The following AFG3L2 variants were observed in gnomAD, a reference collection of about 807,000 sequenced individuals.
The protein encoded by AFG3L2 is AFG3 like matrix AAA peptidase subunit 2.
In AFG3L2, 54 loss-of-function variants were observed where a neutral mutation model predicts 94.5. The observed-to-expected ratio is 0.57, with a 90% CI of 0.46 to 0.72. The LOEUF (loss-of-function observed/expected upper bound fraction) is 0.72, where lower values mean the gene tolerates loss of function less well. AFG3L2 is among the 30% of genes least tolerant of loss of function. AFG3L2 has a pLI of 0.00. For synonymous variants in AFG3L2, 377 were observed against 365.5 expected (o/e 1.03, Z -0.36); for missense variants, 754 against 994.9 (o/e 0.76, Z 3.26).
Position 12,358,837 on chromosome 18 carries a change from C to T in AFG3L2, c.859G>A (p.Gly287Arg), listed in dbSNP as rs1037656742. 1.2e-6 allele frequency: 2 copies of T among 1,614,098 alleles called. No individual in the cohort carries two copies. The highest frequency in any genetic ancestry group is 1.7e-6 in the Non-Finnish European group (2 of 1,180,056). Reference protein sequence around the residue: ...GIGRTGRGMGGLFSVGETTAK... With the variant: ...GIGRTGRGMGRLFSVGETTAK... Reference sequence around the variant, plus strand: ...GTGGTTTCTCCGACACTGAAGAGTCCGCCCATCCCTCGGCCTGTCCGGCCA... The same window carrying T: ...GTGGTTTCTCCGACACTGAAGAGTCTGCCCATCCCTCGGCCTGTCCGGCCA... The change falls in exon 8 of 17, where the codon GGA (glycine) becomes AGA (arginine). Residue 287 changes from glycine (G) to arginine (R), a missense_variant. This residue lies in a region of AFG3L2 where 130 missense variants were observed against 175.1 expected (regional missense o/e 0.74). Coordinates refer to ENST00000269143, the MANE Select transcript of AFG3L2 (RefSeq NM_006796.3).
rs1226949681 is a variant in AFG3L2 at position 12,335,417 on chromosome 18, C to A, written c.2175+1924G>T. On this transcript the variant is annotated intron_variant, in intron 16 of 16. Transcript: ENST00000269143. ...AAAAATCAAGAATGCGACCACTCAC[C>A]TTCACCACCTACCCTCCCCTTTTCT... 5.3e-5 allele frequency among the ~76,000 whole-genome samples: 8 copies of A among 152,168 alleles called. No homozygotes were observed. The East Asian group carries it at 1.4e-3, about 26-fold the overall frequency.
Position 12,358,603 on chromosome 18 carries a change from C to G in AFG3L2, c.1026+67G>C, listed in dbSNP as rs1908564180. On this transcript the variant is annotated intron_variant, in intron 8 of 16. Transcript: ENST00000269143. ...CAGCTATCTATAATAAGTAATCAAA[C>G]TTCACAGAATTATAACTTCAGAGAT... 6 of 1,540,960 alleles carry G rather than the reference C, an allele frequency of 3.9e-6. No individual in the cohort carries two copies. In the South Asian group the frequency reaches 5.8e-5, roughly 15 times the overall value.
chr18:12,369,709 C>T (rs1908918603), intron 3 of AFG3L2, among the ~76,000 whole-genome samples: 1 of 141,226 alleles, frequency 7.1e-6, no homozygotes, highest in Middle Eastern at 3.9e-3. Flanking sequence ...GAGACCCCTC[C>T]TCAAAAAAAA....
intron 9 of AFG3L2, among the ~76,000 whole-genome samples, 197 bp downstream of exon 9, chr18:12,356,497 T>C (rs931076370): frequency 2.6e-5 from 4 of 152,164 alleles, no homozygotes; most frequent in African/African-American, 9.7e-5. Context: ...ACTGCAGTCC[T>C]AGCTGGTGCG....
intron 8 of AFG3L2, among the ~76,000 whole-genome samples, chr18:12,357,958 G>C (rs560849944): frequency 6.6e-6 from 1 of 152,122 alleles, no homozygotes; most frequent in African/African-American, 2.4e-5. Context: ...CGGGTACTAA[G>C]TAAGTTATAA....
chr18:12,375,872 C>G (rs28470464), intron 1 of AFG3L2, among the ~76,000 whole-genome samples: 20,738 of 152,036 alleles, frequency 0.14, 2,850 homozygotes, highest in African/African-American at 0.35. Context: ...TGCTGTAGTC[C>G]CAGATACTCC....
chr18:12,357,112 A>C (rs1382543301), intron 8 of AFG3L2, among the ~76,000 whole-genome samples: 2 of 152,214 alleles, frequency 1.3e-5, no homozygotes, highest in Non-Finnish European at 2.9e-5. Flanking sequence ...AACAGTATGT[A>C]AAGGGTGACT....
intron 2 of AFG3L2, among the ~76,000 whole-genome samples, 176 bp downstream of exon 2, chr18:12,371,415 GA>G (rs753716752): frequency 6.6e-6 from 1 of 151,892 alleles, no homozygotes; most frequent in African/African-American, 2.4e-5. Context: ...AGTGTTAAAG[GA>G]AAAAGCCTCC....
intron 3 of AFG3L2, among the ~76,000 whole-genome samples, chr18:12,370,054 CAAAAAAA>C (rs796293157): frequency 1.7e-4 from 6 of 36,004 alleles, no homozygotes; most frequent in East Asian, 1.1e-3. Flanking sequence ...GACTCTGTCT[CAAAAAAA>C]AAAAAAAAAA....
chr18:12,371,704 A>G lies in AFG3L2; in HGVS notation c.115-13T>C. On this transcript the variant is annotated splice_polypyrimidine_tract_variant and intron_variant, in intron 1 of 16. Coordinates refer to ENST00000269143, the MANE Select transcript of AFG3L2 (RefSeq NM_006796.3). ...CAAATCGGTAAAGCTGCAACAAGAC[A>G]TAAAAATAAAACCATAGTTATATCA... 2 of 1,607,194 alleles carry G rather than the reference A, an allele frequency of 1.2e-6. No homozygotes were observed. Among genetic ancestry groups the G allele is most frequent in the Non-Finnish European group, 1.7e-6 (2 of 1,174,282 alleles).
intron 13 of AFG3L2, among the ~76,000 whole-genome samples, chr18:12,347,319 A>G (rs1254422169): frequency 2.6e-5 from 4 of 152,148 alleles, no homozygotes; most frequent in African/African-American, 9.7e-5. Context: ...GTCACACCCC[A>G]GTTTCATCCT....
chr18:12,349,286 A>T (rs779467992), intron 12 of AFG3L2, among the ~76,000 whole-genome samples: 13 of 152,202 alleles, frequency 8.5e-5, no homozygotes, highest in African/African-American at 1.2e-4. Context: ...GATGTGGAGA[A>T]ACTGGGACCC....
chr18:12,345,982 T>C (rs780325770), intron 13 of AFG3L2, among the ~76,000 whole-genome samples: 4 of 152,150 alleles, frequency 2.6e-5, no homozygotes, highest in Non-Finnish European at 5.9e-5. Flanking sequence ...GCCCCACTCG[T>C]CTGGTTTTGT....
Position 12,363,765 on chromosome 18 carries a change from T to C in AFG3L2, c.627+17A>G. On this transcript the variant is annotated intron_variant, in intron 6 of 16. Coordinates refer to ENST00000269143, the MANE Select transcript of AFG3L2 (RefSeq NM_006796.3). Reference sequence around the variant, plus strand: ...TTAATTTACAACTAATTCACATCAATTAATAAAATGATTTACCCCATCAAC... The same window carrying C: ...TTAATTTACAACTAATTCACATCAACTAATAAAATGATTTACCCCATCAAC... The C allele has an allele frequency of 6.3e-7, 1 of 1,598,826 alleles. No homozygotes were observed.
chr18:12,337,141 G>A (rs1480584394), intron 16 of AFG3L2, 200 bp downstream of exon 16: 2 of 635,302 alleles, frequency 3.1e-6, no homozygotes, highest in African/African-American at 3.6e-5. Flanking sequence ...CAGGAGCCGG[G>A]ACAGTGTCAA....
At chr18:12,330,611 C>G (rs1464188632) in intron 16 of AFG3L2, among the ~76,000 whole-genome samples, 1 of 152,068 alleles carries the variant, frequency 6.6e-6, no homozygotes, top group Non-Finnish European at 1.5e-5. Context: ...AACCCCGTCT[C>G]TACTAAAAAT....
chr18:12,372,914 C>T (rs1333239076), intron 1 of AFG3L2, among the ~76,000 whole-genome samples: 1 of 152,054 alleles, frequency 6.6e-6, no homozygotes, highest in Non-Finnish European at 1.5e-5. Flanking sequence ...TACTAATGGT[C>T]GCAGGGCTTC....
chr18:12,368,270 A>T (rs1008847607), intron 3 of AFG3L2, among the ~76,000 whole-genome samples: 4 of 152,166 alleles, frequency 2.6e-5, no homozygotes, highest in Admixed American at 6.5e-5. Context: ...GAGGCAGGAG[A>T]ATCGCTTGAG....
At chr18:12,345,215 G>T (rs1568137092) in intron 13 of AFG3L2, among the ~76,000 whole-genome samples, 1 of 152,206 alleles carries the variant, frequency 6.6e-6, no homozygotes, top group Non-Finnish European at 1.5e-5. Context: ...AGCGACACAG[G>T]GCCCACAAGA....
Sources: allele counts gnomAD v4.1 joint callset (sites outside exome capture counted in the v4.1 genomes callset), GRCh38; gene constraint gnomAD v4.1.1; regional missense constraint gnomAD v4.1.1; transcripts MANE v1.5; gene names NCBI Gene and HGNC (gene_info 2026-07-23, HGNC 2026-07-21).